Variants in SND1 observed in about 807,000 individuals in gnomAD.
SND1 encodes the protein staphylococcal nuclease domain-containing protein 1.
In SND1, 38 loss-of-function variants were observed where a neutral mutation model predicts 121.7. The observed-to-expected ratio is 0.31, with a 90% confidence interval of 0.24 to 0.41. The LOEUF (loss-of-function observed/expected upper bound fraction) is 0.41. SND1 is among the 10% of genes least tolerant of loss of function. The pLI is 1.00. For synonymous variants in SND1, 401 were observed against 447.4 expected, an observed-to-expected ratio of 0.90 and a Z score of 1.31; for missense variants, 868 against 1,184.6, an observed-to-expected ratio of 0.73 and a Z score of 3.92.
chr7:128,082,361 C>A (rs915726634), intron 18 of SND1, among the ~76,000 whole-genome samples: 10 of 152,212 alleles, frequency 6.6e-5, no homozygotes, highest in African/African-American at 2.4e-4. Flanking sequence ...GGCAGTCCCC[C>A]AGATGGCAGG....
intron 16 of SND1, among the ~76,000 whole-genome samples, chr7:128,031,775 C>G (rs1290542399): frequency 6.9e-6 from 1 of 145,350 alleles, no homozygotes; most frequent in African/African-American, 2.5e-5. Context: ...CGCGCAACCG[C>G]CCGTCGCCGC....
intron 12 of SND1, among the ~76,000 whole-genome samples, chr7:127,858,963 A>G (rs1450768977): frequency 2.0e-5 from 3 of 152,168 alleles, no homozygotes; most frequent in African/African-American, 7.2e-5. Flanking sequence ...ACCTGCATTT[A>G]CATAAACTAC....
chr7:127,781,587 A>AT (rs10711170), intron 10 of SND1, among the ~76,000 whole-genome samples: 3 of 151,354 alleles, frequency 2.0e-5, no homozygotes, highest in African/African-American at 4.8e-5. Context: ...TGTTCATTTG[A>AT]TTTTTTTTTT....
At chr7:127,922,736 A>G (rs1800745820) in intron 14 of SND1, among the ~76,000 whole-genome samples, 1 of 152,206 alleles carries the variant, frequency 6.6e-6, no homozygotes, top group South Asian at 2.1e-4. Flanking sequence ...CTTAGCCAGG[A>G]TATTTCTTTT....
At position 127,721,321 on chromosome 7, in the gene SND1, T is replaced by G. The variant is rs1796492412; in HGVS notation, c.1073T>G (p.Val358Gly). 1 of 1,613,698 alleles carries G rather than the reference T, an allele frequency of 6.2e-7. No individual in the cohort carries two copies. The highest frequency in any genetic ancestry group is 8.5e-7 in the Non-Finnish European group (1 of 1,179,830). ...GTTCTGAATGCTGATGCCATTGTTG[T>G]GAAGCTGAACTCAGGCGATTACAAG... Reference protein sequence around the residue: ...MQVLNADAIVVKLNSGDYKTI... With the variant: ...MQVLNADAIVGKLNSGDYKTI... The change falls in exon 10 of 24, where the codon GTG (valine) becomes GGG (glycine). Residue 358 changes from valine to glycine, a missense_variant. By Grantham distance (109) the Val-to-Gly change is moderately radical. Coordinates refer to ENST00000354725, the MANE Select transcript of SND1 (RefSeq NM_014390.4).
intron 21 of SND1, among the ~76,000 whole-genome samples, chr7:128,088,448 T>C (rs61632283): frequency 2.6e-4 from 19 of 74,312 alleles, no homozygotes; most frequent in African/African-American, 6.7e-4. Flanking sequence ...CTATCTCTCT[T>C]TTTTTTTTTT....
intron 15 of SND1, among the ~76,000 whole-genome samples, chr7:127,943,744 A>G (rs1185588003): frequency 6.6e-6 from 1 of 152,218 alleles, no homozygotes; most frequent in Non-Finnish European, 1.5e-5. Flanking sequence ...ATGGTGTGGC[A>G]GCAGGCACCT....
intron 3 of SND1, among the ~76,000 whole-genome samples, 200 bp downstream of exon 3, chr7:127,695,148 T>C (rs1291604249): frequency 1.3e-5 from 2 of 152,186 alleles, no homozygotes; most frequent in Non-Finnish European, 2.9e-5. Flanking sequence ...TCCTGTTCCT[T>C]GTGTACCCCT....
At chr7:128,026,574 T>TA (rs1803484392) in intron 16 of SND1, among the ~76,000 whole-genome samples, 1 of 152,196 alleles carries the variant, frequency 6.6e-6, no homozygotes, top group Non-Finnish European at 1.5e-5. Context: ...GACAGACACC[T>TA]ACCACCAAAA....
intron 21 of SND1, 101 bp downstream of exon 21, chr7:128,087,152 G>A: frequency 7.0e-6 from 6 of 855,038 alleles, no homozygotes; most frequent in Non-Finnish European, 7.5e-6. Flanking sequence ...AAACTATGAT[G>A]GTCTCTTAGT....
chr7:128,066,677 G>A (rs926153515), intron 16 of SND1, among the ~76,000 whole-genome samples: 8 of 152,182 alleles, frequency 5.3e-5, no homozygotes, highest in Non-Finnish European at 1.0e-4. Flanking sequence ...GTGTGTGACC[G>A]GGAGTGGAGG....
At position 127,813,174 on chromosome 7, in the gene SND1, A is replaced by G. The variant is rs559883577; in HGVS notation, c.1242+5601A>G. 1.2e-4 allele frequency among the ~76,000 whole-genome samples: 19 copies of G among 152,342 alleles called. No homozygotes were observed. In the East Asian group the frequency reaches 3.7e-3, roughly 29 times the overall value. On this transcript the variant is annotated intron_variant, in intron 11 of 23. Coordinates refer to ENST00000354725, the MANE Select transcript of SND1 (RefSeq NM_014390.4). ...TTTGAATGACTTGTAATTTCCGACC[A>G]TGCATTTTTCTAGGAAGAGTTCTCC...
intron 2 of SND1, among the ~76,000 whole-genome samples, chr7:127,691,625 T>C (rs2116318168): frequency 6.6e-6 from 1 of 152,120 alleles, no homozygotes; most frequent in South Asian, 2.1e-4. Flanking sequence ...TTTGTTTGTT[T>C]GTTTTTAGAT....
intron 10 of SND1, 122 bp from the exon 11 acceptor site, chr7:127,807,362 C>A: frequency 2.8e-6 from 2 of 708,682 alleles, no homozygotes; most frequent in Non-Finnish European, 4.8e-6. Context: ...TGTGTCTTAA[C>A]ACATTTAATA....
At chr7:128,030,176 G>A (rs1563094700) in intron 16 of SND1, 3 of 1,614,220 alleles carry the variant, frequency 1.9e-6, no homozygotes, top group Non-Finnish European at 1.7e-6. Context: ...TGGGGTTGTT[G>A]CGAAGCCAGA....
chr7:127,739,747 G>C (rs1796842954), intron 10 of SND1, among the ~76,000 whole-genome samples: 1 of 152,164 alleles, frequency 6.6e-6, no homozygotes, highest in African/African-American at 2.4e-5. Flanking sequence ...TCTTGCCCTG[G>C]AAGCCTATTT....
At chr7:127,852,443 G>A (rs562502754) in intron 12 of SND1, among the ~76,000 whole-genome samples, 4 of 147,416 alleles carry the variant, frequency 2.7e-5, no homozygotes, top group South Asian at 2.1e-4. Flanking sequence ...AGCCAAGATC[G>A]CACCACTGTA....
intron 10 of SND1, among the ~76,000 whole-genome samples, chr7:127,777,456 G>A (rs1178105425): frequency 6.6e-6 from 1 of 152,192 alleles, no homozygotes; most frequent in East Asian, 1.9e-4. Flanking sequence ...ACAGATTTGG[G>A]TGTCTAGACT....
chr7:128,050,712 A>T (rs1793030692), intron 16 of SND1, among the ~76,000 whole-genome samples: 1 of 152,132 alleles, frequency 6.6e-6, no homozygotes, highest in Non-Finnish European at 1.5e-5. Context: ...GTCACCTGCA[A>T]ATCAAATCTC....
Sources: gnomAD v4.1 joint callset for allele counts (sites outside exome capture counted in the v4.1 genomes callset) on GRCh38, gnomAD v4.1.1 for gene constraint, MANE v1.5 for transcripts, NCBI Gene and HGNC (gene_info 2026-07-23, HGNC 2026-07-21) for gene names.